The following PCSK5 variants were observed in gnomAD, a reference collection of about 807,000 sequenced individuals.
PCSK5 encodes the protein prohormone convertase 5.
Under a neutral mutation model 233.2 loss-of-function variants are expected in PCSK5, and 129 were observed. The ratio of observed to expected loss-of-function variants is 0.55; its 90% confidence interval spans 0.48 to 0.64. The LOEUF (loss-of-function observed/expected upper bound fraction) is 0.64, where lower values mean the gene tolerates loss of function less well. Among genes scored for constraint, PCSK5 ranks in the 30% least tolerant of loss-of-function variants. The probability of loss-of-function intolerance (pLI) is 0.00; values close to 1 mark genes in which losing one functional copy is unlikely to be tolerated. For missense variants in PCSK5, 2,076 were observed against 2,430.1 expected (o/e 0.85, Z 3.06); for synonymous variants, 825 against 879.2 (o/e 0.94, Z 1.09).
chr9:75,940,878 A>G (rs1228927473), intron 2 of PCSK5, among the ~76,000 whole-genome samples: 9 of 152,232 alleles, frequency 5.9e-5, no homozygotes, highest in Admixed American at 1.3e-4. Flanking sequence ...AGCTTTTTAC[A>G]TATAGCCGAT....
At chr9:76,122,610 C>T (rs2131719105) in intron 9 of PCSK5, among the ~76,000 whole-genome samples, 1 of 151,814 alleles carries the variant, frequency 6.6e-6, no homozygotes, top group East Asian at 1.9e-4. Flanking sequence ...TTGAAATTTC[C>T]TTTTGGCCCA....
intron 7 of PCSK5, among the ~76,000 whole-genome samples, chr9:76,093,384 T>G (rs1172904579): frequency 1.3e-5 from 2 of 151,600 alleles, no homozygotes; most frequent in Non-Finnish European, 2.9e-5. Flanking sequence ...TGTTGGCCAC[T>G]ACACCCAGTC....
chr9:76,203,660 C>T (rs1236906893), intron 20 of PCSK5, among the ~76,000 whole-genome samples: 2 of 152,098 alleles, frequency 1.3e-5, no homozygotes, highest in Non-Finnish European at 1.5e-5. Context: ...TGAGCCGCAC[C>T]GTACCCAGCT....
intron 3 of PCSK5, among the ~76,000 whole-genome samples, chr9:76,018,514 T>A (rs1409384659): frequency 6.6e-6 from 1 of 151,892 alleles, no homozygotes; most frequent in Non-Finnish European, 1.5e-5. Context: ...GGGATCTAGG[T>A]TGCGTGCTTC....
intron 8 of PCSK5, among the ~76,000 whole-genome samples, chr9:76,099,384 T>C (rs1191154683): frequency 6.6e-6 from 1 of 152,142 alleles, no homozygotes; most frequent in Non-Finnish European, 1.5e-5. Context: ...TTAAGGTGCC[T>C]GATGCCTGGT....
In PCSK5 at chr9:76,096,111, C is replaced by T. The variant is rs746420084; in HGVS notation, c.1107+9C>T. The T allele has an allele frequency of 1.3e-6, 2 of 1,586,348 alleles. No individual in the cohort carries two copies. Among genetic ancestry groups the T allele is most frequent in the South Asian group, 1.1e-5 (1 of 90,450 alleles). On this transcript the variant is annotated intron_variant, in intron 8 of 37. Coordinates refer to ENST00000674117, the MANE Select transcript of PCSK5 (RefSeq NM_001372043.1). ...CCTACGATAAGAAAATCGTACGTGA[C>T]ATGTGCATGCCCATCATGATCTGTT...
chr9:76,174,381 T>A (rs4568665), intron 13 of PCSK5, among the ~76,000 whole-genome samples: 139,627 of 151,556 alleles, frequency 0.92, 64,392 homozygotes, highest in East Asian at 1. Context: ...ATCTCCGCTC[T>A]CTGCAACCTC....
Position 76,187,332 on chromosome 9 carries a change from T to C in PCSK5, c.2283-1246T>C, listed in dbSNP as rs185383280. Among the ~76,000 whole-genome samples the C allele has an allele frequency of 1.5e-3, 225 of 152,270 alleles. 1 individual carries two copies. The highest frequency in any genetic ancestry group is 2.6e-3 in the Non-Finnish European group (178 of 68,014). ...TTTCTCACTATGTTTCCAATCACAC[T>C]AGTTATTCAGTGAATAATATTTTTT... is the stretch of plus-strand genomic sequence containing the variant. On this transcript the variant is annotated intron_variant, in intron 17 of 37. Coordinates refer to ENST00000674117, the MANE Select transcript of PCSK5 (RefSeq NM_001372043.1).
At chr9:75,940,712 G>A (rs1824264356) in intron 2 of PCSK5, among the ~76,000 whole-genome samples, 2 of 152,146 alleles carry the variant, frequency 1.3e-5, no homozygotes, top group South Asian at 2.1e-4. Flanking sequence ...GAGGTTGTGC[G>A]CATCTACTCC....
At chr9:76,236,598 T>C (rs1462136163) in intron 22 of PCSK5, among the ~76,000 whole-genome samples, 1 of 152,170 alleles carries the variant, frequency 6.6e-6, no homozygotes. Flanking sequence ...CTATCCAAAT[T>C]ATCATCCATA....
At chr9:76,077,656 A>G (rs1830688523) in intron 7 of PCSK5, among the ~76,000 whole-genome samples, 1 of 152,090 alleles carries the variant, frequency 6.6e-6, no homozygotes, top group Non-Finnish European at 1.5e-5. Context: ...AGCATGCAGT[A>G]TTTGATTTTC....
At chr9:76,151,166 T>C (rs904753235) in intron 10 of PCSK5, among the ~76,000 whole-genome samples, 1 of 152,080 alleles carries the variant, frequency 6.6e-6, no homozygotes, top group Non-Finnish European at 1.5e-5. Flanking sequence ...GGGTCCCTGG[T>C]GGGAGCAGTT....
chr9:76,044,588 ATGTT>A (rs1829299466), intron 5 of PCSK5, among the ~76,000 whole-genome samples: 1 of 152,206 alleles, frequency 6.6e-6, no homozygotes, highest in South Asian at 2.1e-4. Flanking sequence ...TGCATTCTGA[ATGTT>A]TGGAATGCTG....
At chr9:76,060,372 A>G (rs553678603) in intron 5 of PCSK5, among the ~76,000 whole-genome samples, 67 of 152,318 alleles carry the variant, frequency 4.4e-4, no homozygotes, top group African/African-American at 1.4e-3. Flanking sequence ...TTATTAAGAG[A>G]ATCATAAAGG....
At chr9:76,102,373 T>C (rs563115912) in intron 8 of PCSK5, among the ~76,000 whole-genome samples, 8 of 152,214 alleles carry the variant, frequency 5.3e-5, no homozygotes, top group Non-Finnish European at 7.3e-5. Context: ...AAATACCTCT[T>C]GCATACTGTC....
intron 20 of PCSK5, among the ~76,000 whole-genome samples, chr9:76,204,996 G>T (rs1825056284): frequency 6.6e-6 from 1 of 152,138 alleles, no homozygotes; most frequent in African/African-American, 2.4e-5. Context: ...ATCAGAAATT[G>T]GTTCAGCAAA....
chr9:76,351,647 GAA>G (rs1491577443), intron 36 of PCSK5, among the ~76,000 whole-genome samples: 25,731 of 138,442 alleles, frequency 0.19, 3,940 homozygotes, highest in East Asian at 0.54. Flanking sequence ...AAAGAAGAAA[GAA>G]AGAGAGAGAG....
At chr9:76,045,491 G>T (rs376936761) in intron 5 of PCSK5, among the ~76,000 whole-genome samples, 1 of 152,132 alleles carries the variant, frequency 6.6e-6, no homozygotes, top group African/African-American at 2.4e-5. Flanking sequence ...TAACAGCAAG[G>T]ATTCAGAATT....
At chr9:76,012,986 C>T (rs971399452) in intron 3 of PCSK5, among the ~76,000 whole-genome samples, 5 of 152,062 alleles carry the variant, frequency 3.3e-5, no homozygotes, top group Non-Finnish European at 7.4e-5. Flanking sequence ...AAAGTTGAGC[C>T]AGTAATCTCG....
Sources: allele counts gnomAD v4.1 joint callset (sites outside exome capture counted in the v4.1 genomes callset), GRCh38; gene constraint gnomAD v4.1.1; transcripts MANE v1.5; gene names NCBI Gene and HGNC (gene_info 2026-07-23, HGNC 2026-07-21).